The following CEP128 variants were observed in gnomAD, a reference collection of about 807,000 sequenced individuals.
The protein encoded by CEP128 is centrosomal protein 128.
CEP128 carries 132 observed loss-of-function variants against 156.7 expected under a neutral mutation model. The ratio of observed to expected loss-of-function variants is 0.84; its 90% CI spans 0.73 to 0.97. The LOEUF is 0.97. Among genes scored for constraint, CEP128 ranks in the 50% least tolerant of loss-of-function variants. CEP128 has a pLI of 0.00. For missense variants in CEP128, 1,252 were observed against 1,281.9 expected, an observed-to-expected ratio of 0.98 and a Z score of 0.36; for synonymous variants, 469 against 448.9, an observed-to-expected ratio of 1.04 and a Z score of -0.57.
At chr14:80,918,049 G>A (rs1028425261) in intron 2 of CEP128, among the ~76,000 whole-genome samples, 1 of 152,058 alleles carries the variant, frequency 6.6e-6, no homozygotes, top group Non-Finnish European at 1.5e-5. Flanking sequence ...ATCTTCTCTG[G>A]TTCTTGCCTG....
At position 80,555,223 on chromosome 14, in the gene CEP128, T is replaced by C. The variant is rs551703826; in HGVS notation, c.2880+4056A>G. Among the ~76,000 whole-genome samples the C allele has an allele frequency of 1.1e-3, 170 of 152,262 alleles. 1 individual carries two copies. The highest frequency in any genetic ancestry group is 3.8e-3 in the African/African-American group (159 of 41,568). ...GCTTTGAAATGGAACAAAAACTTAC[T>C]AGGTATCTTCAATGAAGGCCTAGTT... On this transcript the variant is annotated intron_variant, in intron 21 of 24. Coordinates refer to ENST00000555265, the MANE Select transcript of CEP128 (RefSeq NM_152446.5).
rs180779838 is a variant in CEP128, at chr14:80,594,123, T to C, written c.2807-13700A>G. On this transcript the variant is annotated intron_variant, in intron 19 of 24. Transcript: ENST00000555265. ...AACGTGATACTGGTACCAACACAGA[T>C]ATATAGACAAATGGAACAGAACAGA... Among the ~76,000 whole-genome samples the C allele has an allele frequency of 5.2e-3, 789 of 152,120 alleles. 4 individuals carry two copies. The highest frequency in any genetic ancestry group is 8.3e-3 in the Non-Finnish European group (565 of 67,976).
intron 24 of CEP128, among the ~76,000 whole-genome samples, chr14:80,503,943 T>TA (rs1887853956): frequency 6.6e-6 from 1 of 152,080 alleles, no homozygotes; most frequent in African/African-American, 2.4e-5. Flanking sequence ...CCAGCAAAAA[T>TA]AAGAGTTATC....
chr14:80,600,223 T>A (rs1456728693), intron 19 of CEP128, among the ~76,000 whole-genome samples: 1 of 152,232 alleles, frequency 6.6e-6, no homozygotes, highest in Non-Finnish European at 1.5e-5. Context: ...CCAAAGGAAT[T>A]ATTTGAAACG....
intron 23 of CEP128, among the ~76,000 whole-genome samples, chr14:80,523,414 C>A (rs1469869126): frequency 6.6e-6 from 1 of 152,140 alleles, no homozygotes; most frequent in Non-Finnish European, 1.5e-5. Context: ...ACCTTTATAG[C>A]ATTTAGCCCT....
rs1231387626 is a variant in CEP128, at chr14:80,873,451, T to G, written c.646-10578A>C. On this transcript the variant is annotated intron_variant, in intron 8 of 24. Coordinates refer to ENST00000555265, the MANE Select transcript of CEP128 (RefSeq NM_152446.5). ...CAAATAAAATGATAACTGTTTATTA[T>G]GGGTTCTCTTGTCACGTGGTGAAAG... is the stretch of plus-strand genomic sequence containing the variant. Among the ~76,000 whole-genome samples the G allele has an allele frequency of 3.3e-5, 5 of 152,348 alleles. No individual in the cohort carries two copies. The East Asian group carries it at 9.6e-4, about 29-fold the overall frequency.
At chr14:80,588,807 TA>T (rs1298450022) in intron 19 of CEP128, among the ~76,000 whole-genome samples, 1 of 152,012 alleles carries the variant, frequency 6.6e-6, no homozygotes, top group East Asian at 1.9e-4. Flanking sequence ...AGTGAGCTTT[TA>T]AAAAAAGCAT....
chr14:80,732,469 C>T (rs1898317936), intron 19 of CEP128, among the ~76,000 whole-genome samples: 1 of 81,380 alleles, frequency 1.2e-5, no homozygotes, highest in South Asian at 3.9e-4. Flanking sequence ...ACTGATTAAG[C>T]AGGTGTGTGT....
At chr14:80,649,154 G>T (rs1015248447) in intron 19 of CEP128, among the ~76,000 whole-genome samples, 3 of 152,104 alleles carry the variant, frequency 2.0e-5, no homozygotes, top group African/African-American at 7.2e-5. Flanking sequence ...TACTGAACAT[G>T]AACAGGAGTG....
intron 19 of CEP128, among the ~76,000 whole-genome samples, chr14:80,737,605 G>A (rs935537587): frequency 8.5e-5 from 13 of 152,154 alleles, no homozygotes; most frequent in African/African-American, 2.7e-4. Flanking sequence ...GCTAAGGCCA[G>A]GTGCACAGTT....
chr14:80,713,906 T>C (rs1268299190), intron 19 of CEP128, among the ~76,000 whole-genome samples: 1 of 152,192 alleles, frequency 6.6e-6, no homozygotes, highest in Non-Finnish European at 1.5e-5. Flanking sequence ...TTAGAAACTA[T>C]GTAAAAGCAA....
chr14:80,923,121 T>C (rs973802816), intron 2 of CEP128, among the ~76,000 whole-genome samples: 2 of 152,264 alleles, frequency 1.3e-5, no homozygotes, highest in African/African-American at 4.8e-5. Context: ...ATTCTTAGAA[T>C]AGCTTATTTA....
At chr14:80,620,280 G>A (rs1413371941) in intron 19 of CEP128, among the ~76,000 whole-genome samples, 1 of 152,098 alleles carries the variant, frequency 6.6e-6, no homozygotes, top group African/African-American at 2.4e-5. Flanking sequence ...CAACAGGTTA[G>A]CCACAGTTTT....
chr14:80,599,990 G>C (rs188798595), intron 19 of CEP128, among the ~76,000 whole-genome samples: 1 of 152,164 alleles, frequency 6.6e-6, no homozygotes, highest in Non-Finnish European at 1.5e-5. Context: ...TATAGAGGTA[G>C]GAGCTACAGG....
chr14:80,500,448 C>A (rs1391069158), intron 24 of CEP128, among the ~76,000 whole-genome samples: 2 of 152,206 alleles, frequency 1.3e-5, no homozygotes, highest in African/African-American at 2.4e-5. Flanking sequence ...AACTCCAAAC[C>A]CCAGCTTTCA....
At chr14:80,524,745 T>C (rs1888901570) in intron 23 of CEP128, among the ~76,000 whole-genome samples, 3 of 152,214 alleles carry the variant, frequency 2.0e-5, no homozygotes, top group Admixed American at 2.0e-4. Flanking sequence ...TGATAGTCAA[T>C]AAATGCATTG....
chr14:80,828,402 C>T (rs903399329), intron 13 of CEP128, among the ~76,000 whole-genome samples: 1 of 152,068 alleles, frequency 6.6e-6, no homozygotes, highest in Non-Finnish European at 1.5e-5. Flanking sequence ...GGATTACAGG[C>T]GTGAGCCACT....
upstream of CEP128, among the ~76,000 whole-genome samples, chr14:80,946,677 T>C (rs1239725660): frequency 1.3e-5 from 2 of 152,134 alleles, no homozygotes; most frequent in East Asian, 1.9e-4. Flanking sequence ...GGAAGACAAC[T>C]ATTATGTAAG....
intron 23 of CEP128, among the ~76,000 whole-genome samples, chr14:80,511,511 T>A (rs1043634932): frequency 7.2e-5 from 11 of 152,120 alleles, no homozygotes; most frequent in Non-Finnish European, 1.2e-4. Context: ...TTATTCTGGG[T>A]AAAGGTTTGT....
Sources: allele counts gnomAD v4.1 joint callset (sites outside exome capture counted in the v4.1 genomes callset), GRCh38; gene constraint gnomAD v4.1.1; transcripts MANE v1.5; gene names NCBI Gene and HGNC (gene_info 2026-07-23, HGNC 2026-07-21).